PLXDC2: variants seen among roughly 807,000 people sequenced by gnomAD.
PLXDC2 encodes the protein plexin domain containing 2, also known as plexin domain-containing protein 2.
A neutral mutation model predicts 68.9 loss-of-function variants in PLXDC2; 40 were observed. That is an observed-to-expected ratio of 0.58 (90% confidence interval 0.45 to 0.76). PLXDC2 has a LOEUF of 0.76. PLXDC2 is among the 30% of genes least tolerant of loss of function. The pLI is 0.00. For synonymous variants in PLXDC2, 243 were observed against 234.2 expected (o/e 1.04, Z -0.34); for missense variants, 644 against 661.9 (o/e 0.97, Z 0.30).
chr10:19,832,948 T>C (rs2478143), intron 1 of PLXDC2, among the ~76,000 whole-genome samples: 65,178 of 151,976 alleles, frequency 0.43, 14,414 homozygotes, highest in East Asian at 0.63. Context: ...AAATATTAAC[T>C]CTCGAACCTC....
intron 2 of PLXDC2, among the ~76,000 whole-genome samples, chr10:20,023,586 G>C (rs1835349986): frequency 6.6e-6 from 1 of 152,058 alleles, no homozygotes; most frequent in African/African-American, 2.4e-5. Context: ...TCCACAGCAA[G>C]AGTGCCCTAA....
intron 1 of PLXDC2, among the ~76,000 whole-genome samples, chr10:19,881,539 A>C (rs1305286434): frequency 6.6e-6 from 1 of 152,164 alleles, no homozygotes; most frequent in East Asian, 1.9e-4. Flanking sequence ...AGCACTTTCT[A>C]ATTCAATGGA....
At chr10:19,927,330 T>C (rs1833552573) in intron 1 of PLXDC2, among the ~76,000 whole-genome samples, 1 of 152,100 alleles carries the variant, frequency 6.6e-6, no homozygotes, top group South Asian at 2.1e-4. Flanking sequence ...GACATTTCAC[T>C]TGGACTCTGA....
chr10:19,895,810 T>C (rs1055586240), intron 1 of PLXDC2, among the ~76,000 whole-genome samples: 9 of 152,078 alleles, frequency 5.9e-5, no homozygotes, highest in African/African-American at 2.2e-4. Flanking sequence ...ATCCCAGCAC[T>C]GTAGGAGGCT....
intron 1 of PLXDC2, among the ~76,000 whole-genome samples, chr10:19,988,876 A>T (rs1427883420): frequency 7.8e-6 from 1 of 127,850 alleles, no homozygotes; most frequent in Non-Finnish European, 1.5e-5. Context: ...GCTCACTGCA[A>T]CCTCCGCCTC....
At chr10:19,969,274 G>A (rs1443001142) in intron 1 of PLXDC2, among the ~76,000 whole-genome samples, 1 of 152,004 alleles carries the variant, frequency 6.6e-6, no homozygotes, top group African/African-American at 2.4e-5. Context: ...ACCCTTAAGG[G>A]GAAATCAAAT....
At chr10:20,059,488 A>G (rs555605414) in intron 3 of PLXDC2, among the ~76,000 whole-genome samples, 2 of 152,304 alleles carry the variant, frequency 1.3e-5, no homozygotes, top group African/African-American at 4.8e-5. Context: ...TTTCCAGTTT[A>G]TGAATATTCC....
chr10:20,230,844 G>A (rs889244510), intron 12 of PLXDC2, among the ~76,000 whole-genome samples: 2 of 148,626 alleles, frequency 1.3e-5, no homozygotes, highest in African/African-American at 4.9e-5. Context: ...AGTGTCCCTG[G>A]AGGGTTTTTT....
intron 1 of PLXDC2, among the ~76,000 whole-genome samples, chr10:19,962,318 G>A (rs1317066967): frequency 7.6e-6 from 1 of 131,422 alleles, no homozygotes; most frequent in Non-Finnish European, 1.6e-5. Context: ...ATGATAAAAT[G>A]TGATGAAAAG....
chr10:19,836,067 C>T (rs1044456454), intron 1 of PLXDC2, among the ~76,000 whole-genome samples: 1 of 151,866 alleles, frequency 6.6e-6, no homozygotes, highest in African/African-American at 2.4e-5. Flanking sequence ...GTCCCAGCTA[C>T]ACTGGAAGCT....
chr10:19,948,171 C>T lies in PLXDC2; in HGVS notation c.113-53604C>T, dbSNP rs955208373. On this transcript the variant is annotated intron_variant, in intron 1 of 13. Coordinates refer to ENST00000377252, the MANE Select transcript of PLXDC2 (RefSeq NM_032812.9). ...AATTAATACCCAAAGGTATCCTTGGCATGTGTTATGTAGTAGAGGCTCCAG... is the reference window on the plus strand; with the variant it reads ...AATTAATACCCAAAGGTATCCTTGGTATGTGTTATGTAGTAGAGGCTCCAG... Among the ~76,000 whole-genome samples, 7 of 152,074 alleles carry T rather than the reference C, an allele frequency of 4.6e-5. 1 individual carries two copies. Among genetic ancestry groups the T allele is most frequent in the African/African-American group, 1.7e-4 (7 of 41,408 alleles).
At position 20,086,093 on chromosome 10, in the gene PLXDC2, C is replaced by T. The variant is rs190429539; in HGVS notation, c.541+17854C>T. Among the ~76,000 whole-genome samples the T allele has an allele frequency of 2.5e-3, 382 of 152,210 alleles. 1 individual carries two copies. The highest frequency in any genetic ancestry group is 0.01 in the Middle Eastern group (3 of 294). On this transcript the variant is annotated intron_variant, in intron 4 of 13. Transcript: ENST00000377252. ...TCACCTCTGTTTTATTTCTGTCATC[C>T]TGAGTTTTTCTTTGGGGACACATAC...
chr10:20,187,244 C>T (rs1157143755), intron 9 of PLXDC2, among the ~76,000 whole-genome samples: 1 of 151,944 alleles, frequency 6.6e-6, no homozygotes, highest in East Asian at 1.9e-4. Context: ...ATGGAAAATA[C>T]ATCTGGCCTC....
intron 9 of PLXDC2, among the ~76,000 whole-genome samples, chr10:20,187,491 G>T (rs1453853487): frequency 1.3e-5 from 2 of 151,474 alleles, no homozygotes; most frequent in Non-Finnish European, 3.0e-5. Context: ...TGTTAGGAAC[G>T]TTTAAAATCT....
intron 13 of PLXDC2, among the ~76,000 whole-genome samples, chr10:20,249,291 CT>C (rs1435819215): frequency 2.8e-4 from 42 of 152,188 alleles, no homozygotes; most frequent in Middle Eastern, 3.2e-3. Context: ...AAAAGGACCT[CT>C]TTTCATTCAG....
At chr10:20,046,326 AAC>A (rs147733367) in intron 2 of PLXDC2, among the ~76,000 whole-genome samples, 2 of 151,638 alleles carry the variant, frequency 1.3e-5, no homozygotes, top group Non-Finnish European at 3.0e-5. Context: ...TACACACACA[AAC>A]ACACACACAC....
intron 1 of PLXDC2, among the ~76,000 whole-genome samples, chr10:19,978,563 C>G (rs719041): frequency 0.11 from 16,904 of 152,122 alleles, 1,043 homozygotes; most frequent in East Asian, 0.24. Flanking sequence ...TAATTTCACC[C>G]CAGTTCTGAT....
chr10:19,819,432 A>G (rs898451004), intron 1 of PLXDC2, among the ~76,000 whole-genome samples: 1 of 152,208 alleles, frequency 6.6e-6, no homozygotes, highest in African/African-American at 2.4e-5. Context: ...GTGAAACAGA[A>G]AAAAGTATAC....
At chr10:20,019,172 CA>C in intron 2 of PLXDC2, among the ~76,000 whole-genome samples, 1 of 103,730 alleles carries the variant, frequency 9.6e-6, no homozygotes, top group East Asian at 3.3e-4. Context: ...GAATGAAAAC[CA>C]AATTGACTGT....
Sources: gnomAD v4.1 joint callset for allele counts (sites outside exome capture counted in the v4.1 genomes callset) on GRCh38, gnomAD v4.1.1 for gene constraint, MANE v1.5 for transcripts, NCBI Gene and HGNC (gene_info 2026-07-23, HGNC 2026-07-21) for gene names.